ADAM2: variants seen among roughly 807,000 people sequenced by gnomAD.
The protein encoded by ADAM2 is disintegrin and metalloproteinase domain-containing protein 2.
A neutral mutation model predicts 99.3 loss-of-function variants in ADAM2; 101 were observed. The ratio of observed to expected loss-of-function variants is 1.02; its 90% CI spans 0.87 to 1.20. The LOEUF (loss-of-function observed/expected upper bound fraction) is 1.20, where lower values mean the gene tolerates loss of function less well. Ranked by LOEUF, ADAM2 falls within the 50% of genes most tolerant of loss-of-function variation. The probability of loss-of-function intolerance (pLI) is 0.00; values close to 1 mark genes in which losing one functional copy is unlikely to be tolerated. For synonymous variants in ADAM2, 323 were observed against 287.6 expected (o/e 1.12, Z -1.25); for missense variants, 948 against 878.7 (o/e 1.08, Z -1.00).
At chr8:39,831,819 T>C (rs758134651) in intron 3 of ADAM2, among the ~76,000 whole-genome samples, 1 of 152,114 alleles carries the variant, frequency 6.6e-6, no homozygotes, top group Non-Finnish European at 1.5e-5. Context: ...AGTCAAAAAT[T>C]GCTAACTTGA....
chr8:39,749,556 T>C, intron 17 of ADAM2, 106 bp from the exon 18 acceptor site: 3 of 1,438,258 alleles, frequency 2.1e-6, no homozygotes, highest in Non-Finnish European at 2.9e-6. Context: ...AATTTTCCTA[T>C]ATGTTTTGGT....
chr8:39,772,380 G>A (rs1219896129), intron 11 of ADAM2, among the ~76,000 whole-genome samples: 1 of 151,936 alleles, frequency 6.6e-6, no homozygotes, highest in Non-Finnish European at 1.5e-5. Context: ...AGTTCTAGGA[G>A]GTAATGAGAT....
intron 6 of ADAM2, among the ~76,000 whole-genome samples, chr8:39,811,660 G>C (rs1804700218): frequency 6.6e-6 from 1 of 152,132 alleles, no homozygotes; most frequent in South Asian, 2.1e-4. Flanking sequence ...CATATAAACA[G>C]AACCAAAGAC....
chr8:39,772,287 A>T (rs952453660), intron 11 of ADAM2, among the ~76,000 whole-genome samples: 6 of 151,896 alleles, frequency 4.0e-5, no homozygotes, highest in Non-Finnish European at 8.8e-5. Flanking sequence ...TTCATTGTAC[A>T]ATGTCTAAAT....
chr8:39,803,397 T>G (rs1201852358), intron 7 of ADAM2, among the ~76,000 whole-genome samples: 2 of 152,142 alleles, frequency 1.3e-5, no homozygotes, highest in African/African-American at 4.8e-5. Context: ...TCAAAACAAA[T>G]AGGGGATTCT....
Position 39,833,950 on chromosome 8 carries a change from A to C in ADAM2, c.182T>G (p.Met61Arg), listed in dbSNP as rs753494675. ...AATAATGATGATTACCTACTTTTGC[A>C]TTAAATTCACAGTATATGGTTTCCC... ...IEGKPYTVNL[M>R]QKNFLPHNFR... Residue 61 changes from methionine to arginine, a missense_variant, in exon 3 of 21, where the codon ATG (methionine) becomes AGG (arginine). Coordinates refer to ENST00000265708, the MANE Select transcript of ADAM2 (RefSeq NM_001464.5). 38 of 1,531,812 alleles carry C rather than the reference A, an allele frequency of 2.5e-5. No homozygotes were observed. Among genetic ancestry groups the C allele is most frequent in the Non-Finnish European group, 3.2e-5 (36 of 1,108,132 alleles). The allele number at this position is 1,531,812 out of a possible 1,614,324, so 94.9% of individuals were successfully genotyped here. A position where few individuals can be genotyped will look rare whatever the true frequency, so the allele number is the denominator to read the frequency against.
intron 8 of ADAM2, among the ~76,000 whole-genome samples, 194 bp from the exon 9 acceptor site, chr8:39,788,445 C>CA: frequency 6.6e-6 from 1 of 151,840 alleles, no homozygotes; most frequent in South Asian, 2.1e-4. Flanking sequence ...ATAATGCTTG[C>CA]ATTTAAGGAA....
intron 10 of ADAM2, among the ~76,000 whole-genome samples, chr8:39,783,987 T>G (rs1383693272): frequency 6.6e-6 from 1 of 152,108 alleles, no homozygotes; most frequent in Non-Finnish European, 1.5e-5. Context: ...ATATGCTGAT[T>G]ATTCTTTCTT....
At chr8:39,806,261 T>C (rs1804435799) in intron 7 of ADAM2, among the ~76,000 whole-genome samples, 1 of 150,292 alleles carries the variant, frequency 6.7e-6, no homozygotes, top group Non-Finnish European at 1.5e-5. Flanking sequence ...AAAACGGGAA[T>C]TGAAAAAAAA....
At chr8:39,828,075 C>T (rs7463616) in intron 3 of ADAM2, among the ~76,000 whole-genome samples, 38,567 of 151,516 alleles carry the variant, frequency 0.25, 5,073 homozygotes, top group Middle Eastern at 0.42. Context: ...TAATTTAAAA[C>T]AAGCAGTCTT....
chr8:39,809,477 C>A lies in ADAM2; in HGVS notation c.514-11G>T. On this transcript the variant is annotated splice_polypyrimidine_tract_variant and intron_variant, in intron 6 of 20. Transcript: ENST00000265708. ...AAAATCTTGCTGTGGCTGAAAAAAT[C>A]CACAAATTTTACATCAAAATTACAG... The A allele has an allele frequency of 7.4e-7, 1 of 1,353,330 alleles. No individual in the cohort carries two copies. The highest frequency in any genetic ancestry group is 1.0e-6 in the Non-Finnish European group (1 of 959,036). 83.8% of individuals were successfully genotyped at this position (1,353,330 alleles called of 1,614,324 possible).
intron 16 of ADAM2, among the ~76,000 whole-genome samples, chr8:39,751,664 A>G (rs1801950462): frequency 6.6e-6 from 1 of 152,186 alleles, no homozygotes; most frequent in Admixed American, 6.5e-5. Context: ...TATTACATAA[A>G]AAAAACAATT....
Position 39,766,708 on chromosome 8 carries a change from G to A in ADAM2, c.1507+140C>T, listed in dbSNP as rs1000883094. On this transcript the variant is annotated intron_variant, in intron 14 of 20. Transcript: ENST00000265708. ...CATGCGTGAGCCACCGCGCCTGGCC[G>A]TATTCTTCTCTTTCTATAATTCTTT... 9.6e-5 allele frequency: 69 copies of A among 721,972 alleles called. 1 individual carries two copies. Among genetic ancestry groups the A allele is most frequent in the African/African-American group, 2.0e-4 (11 of 55,832 alleles). The allele number at this position is 721,972 out of a possible 1,614,324, so 44.7% of individuals were successfully genotyped here.
intron 19 of ADAM2, among the ~76,000 whole-genome samples, chr8:39,746,216 G>A (rs773707176): frequency 2.2e-4 from 34 of 151,936 alleles, no homozygotes; most frequent in Non-Finnish European, 4.3e-4. Flanking sequence ...TTGGAGAGAT[G>A]GGGTTTCATC....
rs532763914 is a variant in ADAM2, at chr8:39,836,517, C to G, written c.132+619G>C. Among the ~76,000 whole-genome samples the G allele has an allele frequency of 8.3e-4, 125 of 151,340 alleles. 1 individual carries two copies. Among genetic ancestry groups the G allele is most frequent in the African/African-American group, 3.0e-3 (123 of 41,236 alleles). ...TAAGGAAATGTTTGCATTTAAATTA[C>G]CAGAACATCTGCTACCAAACCAAAA... On this transcript the variant is annotated intron_variant, in intron 2 of 20. Coordinates refer to ENST00000265708, the MANE Select transcript of ADAM2 (RefSeq NM_001464.5).
intron 10 of ADAM2, among the ~76,000 whole-genome samples, chr8:39,786,064 C>T (rs1304285736): frequency 6.6e-6 from 1 of 152,068 alleles, no homozygotes; most frequent in Non-Finnish European, 1.5e-5. Context: ...GAACAGAAAA[C>T]CAAATACTGC....
At position 39,809,466 on chromosome 8, in the gene ADAM2, G is replaced by T; in HGVS notation, c.514C>A (p.Pro172Thr). 1 of 1,417,248 alleles carries T rather than the reference G, an allele frequency of 7.1e-7. No homozygotes were observed. The highest frequency in any genetic ancestry group is 9.8e-7 in the Non-Finnish European group (1 of 1,017,724). 87.8% of individuals were successfully genotyped at this position (1,417,248 alleles called of 1,614,324 possible). A position where few individuals can be genotyped will look rare whatever the true frequency, so the allele number is the denominator to read the frequency against. ...ATATACTTTGCAAAATCTTGCTGTG[G>T]CTGAAAAAATCCACAAATTTTACAT... is the stretch of plus-strand genomic sequence containing the variant. ...DLSFKLQSVE[P>T]QQDFAKYIEM... The change falls in exon 7 of 21, where the codon CCA (proline) becomes ACA (threonine). Residue 172 changes from proline (P) to threonine (T), a missense_variant and splice_region_variant. By Grantham distance (38) the Pro-to-Thr change is conservative. Coordinates refer to ENST00000265708, the MANE Select transcript of ADAM2 (RefSeq NM_001464.5).
At chr8:39,759,220 A>G (rs1380010071) in intron 15 of ADAM2, among the ~76,000 whole-genome samples, 1 of 152,192 alleles carries the variant, frequency 6.6e-6, no homozygotes. Flanking sequence ...CTTTAAAAAA[A>G]TCCAGGGTAC....
chr8:39,811,563 A>C (rs1804696362), intron 6 of ADAM2, among the ~76,000 whole-genome samples: 1 of 152,228 alleles, frequency 6.6e-6, no homozygotes, highest in South Asian at 2.1e-4. Flanking sequence ...GCAGCACATC[A>C]AAAAGCTTAT....
Sources: gnomAD v4.1 joint callset for allele counts (sites outside exome capture counted in the v4.1 genomes callset) on GRCh38, gnomAD v4.1.1 for gene constraint, MANE v1.5 for transcripts, NCBI Gene and HGNC (gene_info 2026-07-23, HGNC 2026-07-21) for gene names.